TRNAU1AP: variants seen among roughly 807,000 people sequenced by gnomAD.
The protein encoded by TRNAU1AP is tRNA selenocysteine 1 associated protein 1.
Under a neutral mutation model 43.3 loss-of-function variants are expected in TRNAU1AP, and 33 were observed. The ratio of observed to expected loss-of-function variants is 0.76; its 90% CI spans 0.58 to 1.02. The LOEUF is 1.02. Among genes scored for constraint, TRNAU1AP ranks in the 50% least tolerant of loss-of-function variants. The pLI, the probability that TRNAU1AP is intolerant of heterozygous loss-of-function variation, is 0.00. For missense variants in TRNAU1AP, 290 were observed against 362.7 expected (o/e 0.80, Z 1.63); for synonymous variants, 143 against 129.1 (o/e 1.11, Z -0.73).
intron 2 of TRNAU1AP, among the ~76,000 whole-genome samples, chr1:28,558,560 ATTT>A (rs756554853): frequency 2.3e-5 from 2 of 88,334 alleles, no homozygotes; most frequent in Admixed American, 1.3e-4. Context: ...CGCCCGACTA[ATTT>A]TTTTTTTTTT....
chr1:28,555,644 T>C (rs888917038), intron 2 of TRNAU1AP, among the ~76,000 whole-genome samples: 7 of 151,454 alleles, frequency 4.6e-5, no homozygotes, highest in African/African-American at 1.7e-4. Context: ...CTACTACATG[T>C]GGCTTGCTAA....
rs773861038 is a variant in TRNAU1AP at position 28,577,526 on chromosome 1, G to A, written c.754G>A (p.Glu252Lys). ...EDPMPQLDVT[E>K]ANKEFMEQSE... Reference sequence around the variant, plus strand: ...CCCCATGCCACAGCTGGATGTGACTGAGGCCAACAAGGAGTTCATGGAACA... The same window carrying A: ...CCCCATGCCACAGCTGGATGTGACTAAGGCCAACAAGGAGTTCATGGAACA... The change falls in exon 9 of 9, where the codon GAG (glutamate) becomes AAG (lysine). Residue 252 changes from glutamate to lysine, a missense_variant. By Grantham distance (56) the Glu-to-Lys change is moderately conservative. Transcript: ENST00000373830. 38 of 1,613,944 alleles carry A rather than the reference G, an allele frequency of 2.4e-5. No homozygotes were observed. Among genetic ancestry groups the A allele is most frequent in the Non-Finnish European group, 3.1e-5 (36 of 1,180,002 alleles).
At chr1:28,575,557 G>T (rs1315104719) in intron 8 of TRNAU1AP, among the ~76,000 whole-genome samples, 2 of 149,834 alleles carry the variant, frequency 1.3e-5, no homozygotes, top group Admixed American at 6.7e-5. Flanking sequence ...CCGCCTCCCG[G>T]GTTCAAGTGA....
chr1:28,567,039 G>A (rs989981044), intron 5 of TRNAU1AP, among the ~76,000 whole-genome samples: 7 of 152,216 alleles, frequency 4.6e-5, no homozygotes, highest in South Asian at 2.1e-4. Context: ...TGAAGGTGTC[G>A]AGGAGGATGG....
chr1:28,571,793 A>C (rs1021946847), intron 7 of TRNAU1AP, 74 bp from the exon 8 acceptor site: 1 of 1,293,072 alleles, frequency 7.7e-7, no homozygotes, highest in South Asian at 1.2e-5. Flanking sequence ...AAAAAAAATA[A>C]AAAATATAAG....
At chr1:28,555,308 A>G (rs1167680574) in intron 2 of TRNAU1AP, among the ~76,000 whole-genome samples, 2 of 152,168 alleles carry the variant, frequency 1.3e-5, no homozygotes, top group African/African-American at 2.4e-5. Flanking sequence ...TAATCCAGAT[A>G]TAGCCCCTGC....
At chr1:28,557,954 G>C (rs1169378779) in intron 2 of TRNAU1AP, among the ~76,000 whole-genome samples, 1 of 150,228 alleles carries the variant, frequency 6.7e-6, no homozygotes, top group Non-Finnish European at 1.5e-5. Context: ...GGAGTGCAGT[G>C]GAATGATCTC....
At chr1:28,567,921 T>C (rs149872338) in intron 6 of TRNAU1AP, among the ~76,000 whole-genome samples, 130 of 152,218 alleles carry the variant, frequency 8.5e-4, no homozygotes, top group African/African-American at 2.9e-3. Flanking sequence ...CCCAGGACTT[T>C]GGGAGGCTGA....
At chr1:28,562,637 G>T (rs1293838259) in intron 4 of TRNAU1AP, among the ~76,000 whole-genome samples, 2 of 151,270 alleles carry the variant, frequency 1.3e-5, no homozygotes, top group African/African-American at 2.4e-5. Flanking sequence ...CTGGCGTGCA[G>T]TGGCACGATC....
Position 28,577,596 on chromosome 1 carries a change from C to T in TRNAU1AP, c.824C>T (p.Pro275Leu). 1.2e-6 allele frequency: 2 copies of T among 1,614,126 alleles called. No individual in the cohort carries two copies. The highest frequency in any genetic ancestry group is 1.7e-6 in the Non-Finnish European group (2 of 1,180,020). Residue 275 changes from proline (P) to leucine (L), a missense_variant, in exon 9 of 9, where the codon CCC becomes CTC. Coordinates refer to ENST00000373830, the MANE Select transcript of TRNAU1AP (RefSeq NM_017846.5). ...YDALMDCHWQ[P>L]LDTVSSEIPA... Reference sequence around the variant, plus strand: ...GCTCTGATGGACTGTCACTGGCAGCCCCTGGACACAGTGTCTTCAGAGATC... The same window carrying T: ...GCTCTGATGGACTGTCACTGGCAGCTCCTGGACACAGTGTCTTCAGAGATC...
chr1:28,568,402 A>T (rs1438565869), intron 6 of TRNAU1AP, among the ~76,000 whole-genome samples: 1 of 152,048 alleles, frequency 6.6e-6, no homozygotes, highest in African/African-American at 2.4e-5. Flanking sequence ...CAGCCTCCTG[A>T]TTAGCTGGTA....
intron 5 of TRNAU1AP, among the ~76,000 whole-genome samples, chr1:28,566,708 G>A (rs1046365737): frequency 2.0e-5 from 3 of 148,612 alleles, no homozygotes; most frequent in Non-Finnish European, 4.4e-5. Flanking sequence ...GCAGTGAGCC[G>A]AGATCACGCC....
rs1279829229 is a variant in TRNAU1AP at position 28,577,993 on chromosome 1, G to C, written c.*357G>C. The C allele has an allele frequency of 1.1e-5, 2 of 180,484 alleles. No individual in the cohort carries two copies. The highest frequency in any genetic ancestry group is 1.2e-4 in the Admixed American group (2 of 16,890). The allele number at this position is 180,484 out of a possible 1,614,324, so 11.2% of individuals were successfully genotyped here. A position where few individuals can be genotyped will look rare whatever the true frequency, so the allele number is the denominator to read the frequency against. ...AGTTGACAGGTAGGTATGTAAATCAGGGTTCTCTGGAGTATTTGTAGGACC... is the reference window on the plus strand; with the variant it reads ...AGTTGACAGGTAGGTATGTAAATCACGGTTCTCTGGAGTATTTGTAGGACC... On this transcript the variant is annotated 3_prime_UTR_variant, in exon 9 of 9. Coordinates refer to ENST00000373830, the MANE Select transcript of TRNAU1AP (RefSeq NM_017846.5).
intron 8 of TRNAU1AP, among the ~76,000 whole-genome samples, chr1:28,577,246 G>T (rs1173462891): frequency 6.6e-6 from 1 of 152,156 alleles, no homozygotes; most frequent in Non-Finnish European, 1.5e-5. Context: ...GAAAATCTAG[G>T]ATACATGATG....
At position 28,567,393 on chromosome 1, in the gene TRNAU1AP, G is replaced by C; in HGVS notation, c.510G>C (p.Leu170=). 1 of 1,610,370 alleles carries C rather than the reference G, an allele frequency of 6.2e-7. No homozygotes were observed. Among genetic ancestry groups the C allele is most frequent in the Non-Finnish European group, 8.5e-7 (1 of 1,179,208 alleles). ...GACTGGGGTCTAAGCCTGTGCGGCT[G>C]AGCGTGGCAATCCCTAAAGCGTGAG... ...AVGLGSKPVR[L]SVAIPKASRV... Residue 170 remains leucine (L), a synonymous_variant, in exon 6 of 9, where the codon CTG becomes CTC. Coordinates refer to ENST00000373830, the MANE Select transcript of TRNAU1AP (RefSeq NM_017846.5).
At chr1:28,553,419 A>G (rs1665178680) in intron 1 of TRNAU1AP, 3 of 622,076 alleles carry the variant, frequency 4.8e-6, no homozygotes, top group Non-Finnish European at 5.8e-6. Context: ...CTGTTCTGGG[A>G]CCGGAGGAGT....
chr1:28,554,506 G>A (rs1234996200), intron 2 of TRNAU1AP, among the ~76,000 whole-genome samples: 2 of 152,064 alleles, frequency 1.3e-5, no homozygotes. Flanking sequence ...AAACTTCTGA[G>A]GTAGGTAAAT....
At chr1:28,570,087 G>T (rs1665632313) in intron 6 of TRNAU1AP, among the ~76,000 whole-genome samples, 1 of 152,072 alleles carries the variant, frequency 6.6e-6, no homozygotes, top group Non-Finnish European at 1.5e-5. Flanking sequence ...GAGTTGGGTG[G>T]ATCACTTGAA....
intron 6 of TRNAU1AP, among the ~76,000 whole-genome samples, chr1:28,568,038 C>T (rs1355680702): frequency 6.6e-6 from 1 of 152,080 alleles, no homozygotes. Flanking sequence ...GTGGTGCATG[C>T]CTGTAGTCCC....
Sources: gnomAD v4.1 joint callset for allele counts (sites outside exome capture counted in the v4.1 genomes callset) on GRCh38, gnomAD v4.1.1 for gene constraint, MANE v1.5 for transcripts, NCBI Gene and HGNC (gene_info 2026-07-23, HGNC 2026-07-21) for gene names.